Variants in RANBP17 observed in about 807,000 individuals in gnomAD.
RANBP17 encodes ran-binding protein 17.
In RANBP17, 158 loss-of-function variants were observed where a neutral mutation model predicts 141.2. The observed-to-expected ratio is 1.12, with a 90% CI of 0.98 to 1.28. The LOEUF is 1.28. RANBP17 is among the 50% of genes most tolerant of loss of function. RANBP17 has a pLI of 0.00. For synonymous variants in RANBP17, 430 were observed against 450.0 expected (o/e 0.96, Z 0.56); for missense variants, 1,438 against 1,290.7 (o/e 1.11, Z -1.75).
intron 16 of RANBP17, among the ~76,000 whole-genome samples, chr5:171,180,586 G>A (rs1760805709): frequency 6.6e-6 from 1 of 152,122 alleles, no homozygotes; most frequent in Non-Finnish European, 1.5e-5. Flanking sequence ...AGATCAGAGT[G>A]TAAAGATCAT....
chr5:171,248,118 G>A (rs1408759060), intron 24 of RANBP17, among the ~76,000 whole-genome samples: 1 of 152,178 alleles, frequency 6.6e-6, no homozygotes, highest in Non-Finnish European at 1.5e-5. Flanking sequence ...TGTAATCTCA[G>A]CACTTTGGGA....
Position 171,175,887 on chromosome 5 carries a change from A to G in RANBP17, c.1865+4601A>G, listed in dbSNP as rs116277241. 2.8e-3 allele frequency among the ~76,000 whole-genome samples: 421 copies of G among 152,102 alleles called. 3 individuals carry two copies. The highest frequency in any genetic ancestry group is 9.4e-3 in the African/African-American group (390 of 41,506). On this transcript the variant is annotated intron_variant, in intron 16 of 27. Transcript: ENST00000523189. Reference sequence around the variant, plus strand: ...TCTCCATGTTATTGCAAGGCTAGCTACATAATTTGCAGGGCCCACCTCAAA... The same window carrying G: ...TCTCCATGTTATTGCAAGGCTAGCTGCATAATTTGCAGGGCCCACCTCAAA...
chr5:170,885,389 C>T (rs1769057725), intron 3 of RANBP17, among the ~76,000 whole-genome samples: 1 of 152,176 alleles, frequency 6.6e-6, no homozygotes, highest in South Asian at 2.1e-4. Flanking sequence ...GAGATAGTGA[C>T]TACACTGGTG....
At chr5:171,136,403 AC>A (rs1281642032) in intron 14 of RANBP17, among the ~76,000 whole-genome samples, 1 of 151,342 alleles carries the variant, frequency 6.6e-6, no homozygotes, top group African/African-American at 2.4e-5. Flanking sequence ...GGATTTTCTC[AC>A]CTTTTTTTTT....
intron 9 of RANBP17, 133 bp downstream of exon 9, chr5:170,916,717 CTTT>C (rs5873244): frequency 0.021 from 5,383 of 255,282 alleles, no homozygotes; most frequent in Middle Eastern, 0.043. Flanking sequence ...TTCCTTAGAG[CTTT>C]TTTTTTTTTT....
chr5:170,955,590 A>G (rs1392624294), intron 13 of RANBP17, among the ~76,000 whole-genome samples: 8 of 82,868 alleles, frequency 9.7e-5, no homozygotes, highest in African/African-American at 3.1e-4. Flanking sequence ...GTGTATATAT[A>G]TATATATATA....
At chr5:170,933,797 G>A (rs1028951401) in intron 12 of RANBP17, among the ~76,000 whole-genome samples, 1 of 152,104 alleles carries the variant, frequency 6.6e-6, no homozygotes, top group African/African-American at 2.4e-5. Flanking sequence ...TATAATTTCT[G>A]TTCTTTTACA....
At chr5:171,226,954 G>C (rs543875850) in intron 22 of RANBP17, among the ~76,000 whole-genome samples, 1 of 152,138 alleles carries the variant, frequency 6.6e-6, no homozygotes, top group Non-Finnish European at 1.5e-5. Context: ...TGATTTCTTT[G>C]TGTCTCTGAG....
intron 14 of RANBP17, among the ~76,000 whole-genome samples, chr5:171,093,722 C>T (rs1202683852): frequency 4.6e-5 from 7 of 152,146 alleles, no homozygotes; most frequent in Admixed American, 2.6e-4. Flanking sequence ...GTATGTATCA[C>T]ACACTTTTTC....
chr5:171,109,329 A>T (rs1755058662), intron 14 of RANBP17, among the ~76,000 whole-genome samples: 2 of 152,208 alleles, frequency 1.3e-5, no homozygotes. Context: ...ATAGTTGTTT[A>T]TTCTGTTAAC....
In RANBP17 at chr5:171,055,889, AAAAAAAAC is replaced by A. The variant is rs1455137381; in HGVS notation, c.1710+87520_1710+87527del. ...AGTTGTGTCCTGTTGCCAAAAAAAAAAAAAAAACAAAAAAAAAAACATTCTTATTACAC... is the reference window on the plus strand; with the variant it reads ...AGTTGTGTCCTGTTGCCAAAAAAAAAAAAAAAAAAAACATTCTTATTACAC... On this transcript the variant is annotated intron_variant, in intron 14 of 27. Coordinates refer to ENST00000523189, the MANE Select transcript of RANBP17 (RefSeq NM_022897.5). Among the ~76,000 whole-genome samples, 307 of 142,858 alleles carry A rather than the reference AAAAAAAAC, an allele frequency of 2.1e-3. 4 individuals carry two copies. The highest frequency in any genetic ancestry group is 6.8e-3 in the African/African-American group (267 of 39,474). The allele number at this position is 142,858 out of a possible 152,430, so 93.7% of individuals were successfully genotyped here. A position where few individuals can be genotyped will look rare whatever the true frequency, so the allele number is the denominator to read the frequency against.
intron 24 of RANBP17, among the ~76,000 whole-genome samples, chr5:171,262,551 TG>T (rs1766402007): frequency 6.6e-6 from 1 of 152,216 alleles, no homozygotes; most frequent in East Asian, 1.9e-4. Context: ...TTTATATTTA[TG>T]GAGTACCATG....
chr5:170,990,281 T>TG (rs1349496689), intron 14 of RANBP17, among the ~76,000 whole-genome samples: 1 of 151,946 alleles, frequency 6.6e-6, no homozygotes, highest in African/African-American at 2.4e-5. Flanking sequence ...GCGAAAGTTG[T>TG]GGCTTACTAT....
intron 13 of RANBP17, among the ~76,000 whole-genome samples, chr5:170,956,791 A>C (rs1370466753): frequency 6.7e-6 from 1 of 148,784 alleles, no homozygotes; most frequent in Non-Finnish European, 1.5e-5. Context: ...GAAATAAACG[A>C]CTGGGCGCAG....
intron 22 of RANBP17, among the ~76,000 whole-genome samples, chr5:171,227,781 A>G (rs1763966301): frequency 1.3e-5 from 2 of 152,152 alleles, no homozygotes; most frequent in Admixed American, 6.5e-5. Context: ...CCAATGCTCA[A>G]TTTACCATTT....
rs145117023 is a variant in RANBP17, at chr5:170,988,555, G to C, written c.1710+20178G>C. Among the ~76,000 whole-genome samples, 1,385 of 151,630 alleles carry C rather than the reference G, an allele frequency of 9.1e-3. 22 individuals carry two copies. Among genetic ancestry groups the C allele is most frequent in the African/African-American group, 0.032 (1,321 of 41,444 alleles). On this transcript the variant is annotated intron_variant, in intron 14 of 27. Coordinates refer to ENST00000523189, the MANE Select transcript of RANBP17 (RefSeq NM_022897.5). ...ACTTGAAAACCCAGTCCCTCCATCA[G>C]TCTGTAATTTTTTTTAATAGTCATT...
At chr5:170,903,817 A>G in intron 5 of RANBP17, 1 of 435,832 alleles carries the variant, frequency 2.3e-6, no homozygotes, top group South Asian at 2.0e-5. Context: ...GTTGCAGTCA[A>G]CAACATTGTG....
chr5:171,198,410 G>A (rs1054182584), intron 18 of RANBP17, among the ~76,000 whole-genome samples: 4 of 152,228 alleles, frequency 2.6e-5, no homozygotes, highest in African/African-American at 9.6e-5. Context: ...TTGAAGGAAA[G>A]AGATAAATCA....
intron 13 of RANBP17, among the ~76,000 whole-genome samples, chr5:170,964,894 G>C (rs1025754889): frequency 6.6e-6 from 1 of 152,074 alleles, no homozygotes; most frequent in Non-Finnish European, 1.5e-5. Context: ...ATGATTTATA[G>C]TCCTTTGGGT....
Sources: allele counts gnomAD v4.1 joint callset (sites outside exome capture counted in the v4.1 genomes callset), GRCh38; gene constraint gnomAD v4.1.1; transcripts MANE v1.5; gene names NCBI Gene and HGNC (gene_info 2026-07-23, HGNC 2026-07-21).